CASK: variants seen among roughly 807,000 people sequenced by gnomAD.
CASK encodes the protein calcium/calmodulin dependent serine protein kinase, also known as peripheral plasma membrane protein CASK.
Under a neutral mutation model 82.9 loss-of-function variants are expected in CASK, and 4 were observed. The observed-to-expected ratio is 0.05, with a 90% CI of 0.02 to 0.11. The LOEUF (loss-of-function observed/expected upper bound fraction) is 0.11. Among genes scored for constraint, CASK ranks in the 10% least tolerant of loss-of-function variants. The pLI is 1.00. For synonymous variants in CASK, 259 were observed against 253.5 expected (o/e 1.02, Z -0.20); for missense variants, 358 against 720.9 (o/e 0.50, Z 5.76).
Position 41,910,796 on chromosome X carries a change from CCTT to C in CASK, c.59+12131_59+12133del, listed in dbSNP as rs766757869. On this transcript the variant is annotated intron_variant, in intron 1 of 26. Transcript: ENST00000378163. ...TGCTCCCTCTCCAGATACCCACACTCCTTCTGCAATGATAATGAATAGATATTT... is the reference window on the plus strand; with the variant it reads ...TGCTCCCTCTCCAGATACCCACACTCCTGCAATGATAATGAATAGATATTT... Among the ~76,000 whole-genome samples the C allele has an allele frequency of 9.8e-5, 11 of 112,330 alleles. No homozygotes were observed. The East Asian group carries it at 3.0e-3, about 31-fold the overall frequency.
At chrX:41,726,848 G>C (rs1469446052) in intron 5 of CASK, 1 of 305,576 alleles carries the variant, frequency 3.3e-6, no homozygotes, top group Non-Finnish European at 5.7e-6. Context: ...GAAAAGGTAA[G>C]AAGCCATCTA....
chrX:41,786,114 A>G (rs558398501), intron 3 of CASK, among the ~76,000 whole-genome samples: 7 of 111,725 alleles, frequency 6.3e-5, no homozygotes, highest in African/African-American at 1.9e-4. Flanking sequence ...GCAGATCCAC[A>G]TTGTAGTGGA....
At chrX:41,604,068 C>T (rs1255799826) in intron 12 of CASK, among the ~76,000 whole-genome samples, 2 of 109,799 alleles carry the variant, frequency 1.8e-5, no homozygotes, top group African/African-American at 6.7e-5. Flanking sequence ...AATATCATTA[C>T]AAGACATAAA....
In CASK at chrX:41,517,547, C is replaced by T; in HGVS notation, c.*2873G>A. 3.1e-6 allele frequency: 1 copy of T among 327,702 alleles called. No homozygotes were observed. Among genetic ancestry groups the T allele is most frequent in the Non-Finnish European group, 5.4e-6 (1 of 186,894 alleles). The allele number at this position is 327,702 out of a possible 1,213,427, so 27.0% of individuals were successfully genotyped here. ...AAAGAATTCAACATATAAAAACACT[C>T]CCTTTCTTGCTGTGGGGAATGGAGT... On this transcript the variant is annotated 3_prime_UTR_variant, in exon 27 of 27. Transcript: ENST00000378163.
chrX:41,883,965 T>C (rs1420052420), intron 1 of CASK, among the ~76,000 whole-genome samples: 1 of 112,089 alleles, frequency 8.9e-6, no homozygotes, highest in East Asian at 2.8e-4. Flanking sequence ...TAAGTGCTAC[T>C]GGTCCTTGCC....
intron 26 of CASK, among the ~76,000 whole-genome samples, chrX:41,520,847 C>T (rs1029298912): frequency 8.9e-6 from 1 of 111,985 alleles, no homozygotes; most frequent in Non-Finnish European, 1.9e-5. Flanking sequence ...AAAACAGATA[C>T]TCTTCAGGAA....
At chrX:41,545,149 C>A (rs1298645237) in intron 21 of CASK, among the ~76,000 whole-genome samples, 2 of 110,584 alleles carry the variant, frequency 1.8e-5, no homozygotes, top group South Asian at 3.8e-4. Flanking sequence ...CCTCAGCCTC[C>A]TGAGTAGCTG....
Position 41,715,397 on chromosome X carries a change from A to C in CASK, c.429+23987T>G, listed in dbSNP as rs906905532. Among the ~76,000 whole-genome samples the C allele has an allele frequency of 2.7e-5, 3 of 111,579 alleles. 1 individual carries two copies. The Middle Eastern group carries it at 0.014, about 519-fold the overall frequency. ...CGCTTTGGGAGGCCAAGGTGGGTGG[A>C]TCACCTGAGGTCAGGAGTTTGAGAC... On this transcript the variant is annotated intron_variant, in intron 5 of 26. Transcript: ENST00000378163.
At chrX:41,789,293 A>T (rs1466094591) in intron 2 of CASK, among the ~76,000 whole-genome samples, 1 of 111,706 alleles carries the variant, frequency 9.0e-6, no homozygotes, top group African/African-American at 3.3e-5. Context: ...ACTTTCTTAG[A>T]GTCAATGAAA....
intron 8 of CASK, among the ~76,000 whole-genome samples, chrX:41,637,717 C>A (rs1044461804): frequency 2.7e-5 from 3 of 110,388 alleles, no homozygotes; most frequent in Non-Finnish European, 5.7e-5. Flanking sequence ...GATCCTGGCT[C>A]ACCACAGCCT....
intron 1 of CASK, among the ~76,000 whole-genome samples, chrX:41,920,913 G>A (rs1210886585): frequency 8.9e-6 from 1 of 111,741 alleles, no homozygotes; most frequent in Non-Finnish European, 1.9e-5. Context: ...TAACTAAGAT[G>A]CAACAAACAT....
At chrX:41,820,679 T>C (rs2070516804) in intron 2 of CASK, among the ~76,000 whole-genome samples, 3 of 111,078 alleles carry the variant, frequency 2.7e-5, no homozygotes, top group Non-Finnish European at 5.7e-5. Flanking sequence ...AAAATTTAAG[T>C]AGCTAGAATA....
intron 3 of CASK, among the ~76,000 whole-genome samples, chrX:41,770,313 T>TACCTATCC (rs1242733681): frequency 1.9e-3 from 181 of 95,925 alleles, no homozygotes; most frequent in East Asian, 4.5e-3. Flanking sequence ...CCTACCTACC[T>TACCTATCC]ATCCATCCAT....
intron 8 of CASK, among the ~76,000 whole-genome samples, chrX:41,659,519 C>T (rs2066997296): frequency 9.0e-6 from 1 of 110,856 alleles, no homozygotes; most frequent in Non-Finnish European, 1.9e-5. Flanking sequence ...AGCCACCGCA[C>T]CCGGCCAACT....
chrX:41,651,148 A>C (rs773869390), intron 8 of CASK, among the ~76,000 whole-genome samples: 1 of 112,362 alleles, frequency 8.9e-6, no homozygotes, highest in Non-Finnish European at 1.9e-5. Context: ...GCTATTAGCC[A>C]AGATAAGCTT....
intron 15 of CASK, among the ~76,000 whole-genome samples, chrX:41,574,408 C>G (rs751011398): frequency 9.0e-6 from 1 of 111,451 alleles, no homozygotes; most frequent in Non-Finnish European, 1.9e-5. Context: ...ACTGTTCTTT[C>G]ATGATATTTT....
At chrX:41,542,559 G>A in intron 22 of CASK, 132 bp downstream of exon 22, 1 of 477,498 alleles carries the variant, frequency 2.1e-6, no homozygotes, top group Non-Finnish European at 3.7e-6. Context: ...TAAAGGTTTT[G>A]AAAGTTGATG....
chrX:41,750,951 T>C (rs750586478), intron 3 of CASK, among the ~76,000 whole-genome samples: 2 of 112,841 alleles, frequency 1.8e-5, no homozygotes, highest in South Asian at 3.6e-4. Flanking sequence ...TGGTGACAGA[T>C]TGGTACTTAT....
chrX:41,745,414 T>C (rs1265531529), intron 4 of CASK, 110 bp downstream of exon 4: 12 of 564,602 alleles, frequency 2.1e-5, no homozygotes, highest in Non-Finnish European at 3.4e-5. Context: ...AGATGTTCCC[T>C]GTAGCAAAGA....
Sources: allele counts gnomAD v4.1 joint callset (sites outside exome capture counted in the v4.1 genomes callset), GRCh38; gene constraint gnomAD v4.1.1; transcripts MANE v1.5; gene names NCBI Gene and HGNC (gene_info 2026-07-23, HGNC 2026-07-21).